GFRA1: variants seen among roughly 807,000 people sequenced by gnomAD.
GFRA1 encodes the protein GDNF family receptor alpha-1.
In GFRA1, 16 loss-of-function variants were observed where a neutral mutation model predicts 51.6. That is an observed-to-expected ratio of 0.31 (90% CI 0.21 to 0.47). The LOEUF is 0.47. Ranked by LOEUF, GFRA1 falls within the 20% of genes least tolerant of loss-of-function variation. The probability of loss-of-function intolerance (pLI) is 1.00; values close to 1 mark genes in which losing one functional copy is unlikely to be tolerated. For synonymous variants in GFRA1, 270 were observed against 241.3 expected, an observed-to-expected ratio of 1.12 and a Z score of -1.10; for missense variants, 530 against 594.3, an observed-to-expected ratio of 0.89 and a Z score of 1.13.
At chr10:116,111,483 T>C (rs1045742017) in intron 6 of GFRA1, among the ~76,000 whole-genome samples, 2 of 152,216 alleles carry the variant, frequency 1.3e-5, no homozygotes, top group African/African-American at 4.8e-5. Flanking sequence ...GTGTTGTCCC[T>C]GCCCGCAGCT....
intron 5 of GFRA1, among the ~76,000 whole-genome samples, chr10:116,135,105 A>G (rs1438224460): frequency 6.6e-6 from 1 of 152,182 alleles, no homozygotes; most frequent in African/African-American, 2.4e-5. Flanking sequence ...ACAGGAGTTG[A>G]TGCTTCAGGT....
chr10:116,208,604 A>G (rs758449531), intron 5 of GFRA1, among the ~76,000 whole-genome samples: 1 of 152,198 alleles, frequency 6.6e-6, no homozygotes, highest in Non-Finnish European at 1.5e-5. Flanking sequence ...TTCAGTTGAC[A>G]GCGCAGGGAG....
chr10:116,157,290 T>C (rs1190567713), intron 5 of GFRA1, among the ~76,000 whole-genome samples: 1 of 152,226 alleles, frequency 6.6e-6, no homozygotes, highest in Non-Finnish European at 1.5e-5. Flanking sequence ...AGAATTTTAA[T>C]GACTTCTTTT....
intron 5 of GFRA1, among the ~76,000 whole-genome samples, chr10:116,189,241 T>TG (rs1963031517): frequency 1.3e-5 from 2 of 152,148 alleles, no homozygotes; most frequent in African/African-American, 4.8e-5. Context: ...GCAACTGTTT[T>TG]GGGGGGCAGA....
chr10:116,224,542 A>G (rs1280336675), intron 4 of GFRA1, among the ~76,000 whole-genome samples: 1 of 152,256 alleles, frequency 6.6e-6, no homozygotes, highest in Non-Finnish European at 1.5e-5. Flanking sequence ...TACATGCTAC[A>G]ACATGGATGA....
chr10:116,234,412 A>T (rs143822417), intron 4 of GFRA1, among the ~76,000 whole-genome samples: 1 of 152,300 alleles, frequency 6.6e-6, no homozygotes, highest in East Asian at 1.9e-4. Flanking sequence ...CACCTGAAAC[A>T]GGTGTTTTTG....
At chr10:116,135,758 T>G (rs1338319839) in intron 5 of GFRA1, among the ~76,000 whole-genome samples, 1 of 152,194 alleles carries the variant, frequency 6.6e-6, no homozygotes, top group Non-Finnish European at 1.5e-5. Context: ...GAAATGATCT[T>G]CTAGGAGGAC....
At position 116,272,101 on chromosome 10, in the gene GFRA1, C is replaced by T. The variant is rs974365922; in HGVS notation, c.-72G>A. The T allele has an allele frequency of 1.5e-6, 2 of 1,304,654 alleles. No homozygotes were observed. The highest frequency in any genetic ancestry group is 2.5e-5 in the East Asian group (1 of 39,784). 80.8% of individuals were successfully genotyped at this position (1,304,654 alleles called of 1,614,324 possible). A position where few individuals can be genotyped will look rare whatever the true frequency, so the allele number is the denominator to read the frequency against. The stretch of plus-strand genomic sequence containing the variant: ...CCGCCGCTGGGTCTTGCCGAGGGAG[C>T]TCAGCGTGCAGCGATCCCCGGACAG... On this transcript the variant is annotated 5_prime_UTR_variant, in exon 2 of 11. Coordinates refer to ENST00000355422, the MANE Select transcript of GFRA1 (RefSeq NM_005264.8). This position sits in a 1 kb window ranked among gnomAD's most constrained non-coding sequence, Gnocchi z 4.4.
At chr10:116,108,877 A>C (rs914896993) in intron 6 of GFRA1, among the ~76,000 whole-genome samples, 1 of 152,226 alleles carries the variant, frequency 6.6e-6, no homozygotes, top group Non-Finnish European at 1.5e-5. Context: ...GTATTCTTTA[A>C]ATAACTGTTG....
intron 5 of GFRA1, among the ~76,000 whole-genome samples, chr10:116,179,769 G>C (rs900207522): frequency 4.6e-5 from 7 of 152,212 alleles, no homozygotes; most frequent in African/African-American, 1.2e-4. Context: ...AGTGGCTAGA[G>C]GTGAACTGTC....
At chr10:116,095,847 C>T (rs1387829726) in intron 7 of GFRA1, among the ~76,000 whole-genome samples, 7 of 152,066 alleles carry the variant, frequency 4.6e-5, no homozygotes, top group Non-Finnish European at 2.9e-5. Context: ...CTGTGATTTT[C>T]CTCACCCTTC....
chr10:116,268,928 G>A (rs1199237159), intron 4 of GFRA1, among the ~76,000 whole-genome samples: 1 of 152,168 alleles, frequency 6.6e-6, no homozygotes. Flanking sequence ...ATTTAAAAGG[G>A]CCATTGGGGC....
chr10:116,255,661 T>A, intron 4 of GFRA1: 1 of 1,289,104 alleles, frequency 7.8e-7, no homozygotes, highest in Non-Finnish European at 1.0e-6. Context: ...CATCCCCACA[T>A]TCCGGTCTCT....
At chr10:116,249,132 T>C (rs569773014) in intron 4 of GFRA1, among the ~76,000 whole-genome samples, 1 of 152,364 alleles carries the variant, frequency 6.6e-6, no homozygotes, top group South Asian at 2.1e-4. Context: ...CAGAGCATCA[T>C]CTGCTTCTCT....
intron 5 of GFRA1, among the ~76,000 whole-genome samples, chr10:116,176,445 T>C (rs1002129882): frequency 6.6e-6 from 1 of 152,124 alleles, no homozygotes; most frequent in Non-Finnish European, 1.5e-5. Flanking sequence ...GTCCTTGCAA[T>C]GGTGTTCTCG....
intron 5 of GFRA1, 137 bp from the exon 6 acceptor site, chr10:116,125,694 C>CT: frequency 1.4e-6 from 1 of 713,274 alleles, no homozygotes; most frequent in East Asian, 2.7e-5. Context: ...AAGCTAATAA[C>CT]TTAATGACTT....
At chr10:116,096,874 C>G in intron 6 of GFRA1, 110 bp from the exon 7 acceptor site, 1 of 59,742 alleles carries the variant, frequency 1.7e-5, no homozygotes, top group Non-Finnish European at 4.9e-5. Context: ...TTTCTGCACA[C>G]GCACACGCAC....
chr10:116,180,522 A>C (rs770945220), intron 5 of GFRA1, among the ~76,000 whole-genome samples: 10 of 152,228 alleles, frequency 6.6e-5, no homozygotes, highest in Non-Finnish European at 1.0e-4. Context: ...TGATATGATT[A>C]AAGTTATGTA....
intron 4 of GFRA1, among the ~76,000 whole-genome samples, chr10:116,223,577 G>A (rs1334834814): frequency 6.6e-6 from 1 of 152,134 alleles, no homozygotes; most frequent in Non-Finnish European, 1.5e-5. Flanking sequence ...TTGAAGCCAA[G>A]CATTTCAGAA....
Sources: gnomAD v4.1 joint callset for allele counts (sites outside exome capture counted in the v4.1 genomes callset) on GRCh38, gnomAD v4.1.1 for gene constraint, Gnocchi (gnomAD v3.1) non-coding constraint, MANE v1.5 for transcripts, NCBI Gene and HGNC (gene_info 2026-07-23, HGNC 2026-07-21) for gene names.